The following FRMD4A variants were observed in gnomAD, a reference collection of about 807,000 sequenced individuals.
The protein encoded by FRMD4A is FERM domain containing 4A, also known as FERM domain-containing protein 4A.
Under a neutral mutation model 129.1 loss-of-function variants are expected in FRMD4A, and 29 were observed. The observed-to-expected ratio is 0.22, with a 90% CI of 0.17 to 0.31. FRMD4A has a LOEUF of 0.31. FRMD4A is among the 10% of genes least tolerant of loss of function. FRMD4A has a pLI of 1.00. For missense variants in FRMD4A, 1,272 were observed against 1,375.8 expected (o/e 0.92, Z 1.19); for synonymous variants, 634 against 571.6 (o/e 1.11, Z -1.56).
intron 22 of FRMD4A, chr10:13,655,840 G>A (rs761250174): frequency 1.4e-4 from 21 of 152,180 alleles, no homozygotes; most frequent in Admixed American, 3.3e-4. Context: ...AGTGGTAAGA[G>A]TATGTTAATA....
At chr10:13,775,286 C>A (rs1453979025) in intron 6 of FRMD4A, among the ~76,000 whole-genome samples, 1 of 152,152 alleles carries the variant, frequency 6.6e-6, no homozygotes, top group Non-Finnish European at 1.5e-5. Flanking sequence ...ATCAGGGCAC[C>A]CATCCTGAAA....
At chr10:13,703,096 G>A (rs61690396) in intron 13 of FRMD4A, among the ~76,000 whole-genome samples, 1 of 152,022 alleles carries the variant, frequency 6.6e-6, no homozygotes, top group African/African-American at 2.4e-5. Context: ...ATAAATGAAT[G>A]ACTTTTTTTT....
intron 4 of FRMD4A, among the ~76,000 whole-genome samples, chr10:13,808,655 C>T (rs1355391923): frequency 6.6e-6 from 1 of 152,228 alleles, no homozygotes; most frequent in Non-Finnish European, 1.5e-5. Context: ...CAGGAGCCAG[C>T]TCTTCACCTC....
chr10:13,688,382 T>C (rs56108933), intron 15 of FRMD4A, among the ~76,000 whole-genome samples: 3,557 of 150,562 alleles, frequency 0.024, 141 homozygotes, highest in African/African-American at 0.083. Flanking sequence ...CATCACACAC[T>C]GGGGACTGTT....
chr10:14,275,917 C>A (rs561754931), intron 2 of FRMD4A, among the ~76,000 whole-genome samples: 5 of 152,254 alleles, frequency 3.3e-5, no homozygotes, highest in African/African-American at 1.2e-4. Flanking sequence ...TGCATGCCTG[C>A]AGTCTCAGCT....
intron 2 of FRMD4A, among the ~76,000 whole-genome samples, chr10:14,049,406 G>C (rs1407766251): frequency 6.6e-6 from 1 of 152,160 alleles, no homozygotes; most frequent in Non-Finnish European, 1.5e-5. Flanking sequence ...AAGTATTCAA[G>C]ATCTTTAGGG....
rs186755712 is a variant in FRMD4A, at chr10:13,658,974, G to A, written c.2066+349C>T. On this transcript the variant is annotated intron_variant, in intron 21 of 24. Transcript: ENST00000357447. ...TGCTCTTTATGAATTTACATTTTGAGGCACTAAAGGAAGTCCAGTATAAAT... is the reference window on the plus strand; with the variant it reads ...TGCTCTTTATGAATTTACATTTTGAAGCACTAAAGGAAGTCCAGTATAAAT... Among the ~76,000 whole-genome samples, 123 of 151,980 alleles carry A rather than the reference G, an allele frequency of 8.1e-4. 1 individual carries two copies. Among genetic ancestry groups the A allele is most frequent in the Non-Finnish European group, 1.4e-3 (97 of 68,016 alleles).
At chr10:13,718,688 G>A (rs1246812160) in intron 12 of FRMD4A, among the ~76,000 whole-genome samples, 3 of 152,326 alleles carry the variant, frequency 2.0e-5, no homozygotes, top group South Asian at 2.1e-4. Context: ...GAGGAGGGGC[G>A]GAAGCAGAGG....
intron 2 of FRMD4A, among the ~76,000 whole-genome samples, chr10:14,324,437 T>A (rs934467571): frequency 1.3e-5 from 2 of 152,188 alleles, no homozygotes; most frequent in African/African-American, 4.8e-5. Flanking sequence ...AGATAGATGA[T>A]ACTAAATATT....
At chr10:14,108,374 T>C (rs1408036183) in intron 2 of FRMD4A, among the ~76,000 whole-genome samples, 1 of 152,244 alleles carries the variant, frequency 6.6e-6, no homozygotes. Flanking sequence ...TCACCAAATC[T>C]GTCTGAAGGT....
rs193272743 is a variant in FRMD4A, at chr10:13,967,828, G to A, written c.46-108916C>T. 1.8e-4 allele frequency among the ~76,000 whole-genome samples: 27 copies of A among 152,328 alleles called. No homozygotes were observed. The East Asian group carries it at 4.6e-3, about 26-fold the overall frequency. On this transcript the variant is annotated intron_variant, in intron 2 of 24. Transcript: ENST00000357447. Reference sequence around the variant, plus strand: ...TGGGAGGATGGGGCAGGCAGATGGCGTGAGCCCAGGAGTTTGAGACCAGTC... The same window carrying A: ...TGGGAGGATGGGGCAGGCAGATGGCATGAGCCCAGGAGTTTGAGACCAGTC...
chr10:14,078,787 C>T (rs1180496641), intron 2 of FRMD4A, among the ~76,000 whole-genome samples: 3 of 152,202 alleles, frequency 2.0e-5, no homozygotes, highest in Admixed American at 1.3e-4. Flanking sequence ...ATGTGTTTCC[C>T]CTTCTACTAT....
intron 2 of FRMD4A, among the ~76,000 whole-genome samples, chr10:13,873,970 G>A (rs2131095326): frequency 6.6e-6 from 1 of 151,984 alleles, no homozygotes; most frequent in South Asian, 2.1e-4. Flanking sequence ...ATGCTGGTTG[G>A]GTGTGGTGGT....
intron 2 of FRMD4A, among the ~76,000 whole-genome samples, chr10:14,080,920 G>A (rs1472245031): frequency 2.0e-5 from 3 of 151,830 alleles, no homozygotes; most frequent in Admixed American, 2.0e-4. Flanking sequence ...TTGCAGTGGG[G>A]AGCACTCTGC....
chr10:13,929,381 C>T lies in FRMD4A; in HGVS notation c.46-70469G>A, dbSNP rs985582257. On this transcript the variant is annotated intron_variant, in intron 2 of 24. Transcript: ENST00000357447. ...CTACCTGGACACCCTTTGTGTCCAC[C>T]TGGCAGGTGCAGAGCTGCCCGCCTA... Among the ~76,000 whole-genome samples, 4 of 152,326 alleles carry T rather than the reference C, an allele frequency of 2.6e-5. No homozygotes were observed. The South Asian group carries it at 8.3e-4, about 32-fold the overall frequency.
At chr10:13,752,193 G>A (rs913617213) in intron 8 of FRMD4A, among the ~76,000 whole-genome samples, 1 of 152,188 alleles carries the variant, frequency 6.6e-6, no homozygotes, top group Non-Finnish European at 1.5e-5. Flanking sequence ...TGCTGTATTG[G>A]TCTTCGATTT....
chr10:13,693,596 C>T (rs908227936), intron 15 of FRMD4A: 2 of 966,078 alleles, frequency 2.1e-6, no homozygotes, highest in African/African-American at 3.4e-5. Flanking sequence ...CGACAGCTTG[C>T]CATGGGGATT....
intron 2 of FRMD4A, chr10:13,991,780 G>A (rs1159753805): frequency 2.6e-5 from 4 of 152,572 alleles, no homozygotes; most frequent in Non-Finnish European, 2.9e-5. Context: ...CAGAAGAGAA[G>A]GTTATAGGAT....
At chr10:13,826,040 C>G (rs1388906729) in intron 3 of FRMD4A, among the ~76,000 whole-genome samples, 1 of 152,228 alleles carries the variant, frequency 6.6e-6, no homozygotes, top group African/African-American at 2.4e-5. Context: ...CGATGTGTAC[C>G]TTGATCAGCA....
Sources: allele counts gnomAD v4.1 joint callset (sites outside exome capture counted in the v4.1 genomes callset), GRCh38; gene constraint gnomAD v4.1.1; transcripts MANE v1.5; gene names NCBI Gene and HGNC (gene_info 2026-07-23, HGNC 2026-07-21).